PTPRT: variants seen among roughly 807,000 people sequenced by gnomAD.
PTPRT encodes the protein receptor-type tyrosine-protein phosphatase T.
Under a neutral mutation model 176.8 loss-of-function variants are expected in PTPRT, and 56 were observed. The observed-to-expected ratio is 0.32, with a 90% CI of 0.26 to 0.40. The LOEUF is 0.40. Among genes scored for constraint, PTPRT ranks in the 10% least tolerant of loss-of-function variants. PTPRT has a pLI of 1.00. For synonymous variants in PTPRT, 783 were observed against 739.0 expected, an observed-to-expected ratio of 1.06 and a Z score of -0.96; for missense variants, 1,540 against 1,908.2, an observed-to-expected ratio of 0.81 and a Z score of 3.60.
At chr20:42,373,123 C>T (rs976909883) in intron 9 of PTPRT, among the ~76,000 whole-genome samples, 1 of 152,212 alleles carries the variant, frequency 6.6e-6, no homozygotes, top group African/African-American at 2.4e-5. Flanking sequence ...CTAGGCTCTG[C>T]AGTATACATT....
intron 2 of PTPRT, among the ~76,000 whole-genome samples, chr20:42,823,403 G>C (rs191881769): frequency 6.6e-6 from 1 of 152,178 alleles, no homozygotes; most frequent in African/African-American, 2.4e-5. Flanking sequence ...GGCAGGGTGA[G>C]GGGAGGGAAC....
chr20:42,736,878 T>C (rs531937196), intron 6 of PTPRT, among the ~76,000 whole-genome samples: 3 of 152,352 alleles, frequency 2.0e-5, no homozygotes, highest in Admixed American at 6.5e-5. Flanking sequence ...ATCACACTCT[T>C]GTCTGCTGTG....
At chr20:42,491,723 G>A (rs1048413736) in intron 7 of PTPRT, among the ~76,000 whole-genome samples, 1 of 152,082 alleles carries the variant, frequency 6.6e-6, no homozygotes, top group East Asian at 1.9e-4. Context: ...CCAACTTCCA[G>A]ATCTATGAGA....
intron 12 of PTPRT, among the ~76,000 whole-genome samples, chr20:42,296,379 C>T (rs2057386611): frequency 2.0e-5 from 3 of 150,134 alleles, no homozygotes; most frequent in Non-Finnish European, 3.0e-5. Flanking sequence ...CTGGGAGGCA[C>T]GGTTTGCAGT....
chr20:42,249,869 G>A (rs1467689272), intron 13 of PTPRT, among the ~76,000 whole-genome samples: 3 of 152,208 alleles, frequency 2.0e-5, no homozygotes, highest in Non-Finnish European at 4.4e-5. Flanking sequence ...CTAGAGAGTA[G>A]TCCAGGGGTT....
chr20:42,856,518 C>T (rs16987494), intron 2 of PTPRT, among the ~76,000 whole-genome samples: 4,815 of 152,008 alleles, frequency 0.032, 198 homozygotes, highest in African/African-American at 0.096. Flanking sequence ...TTAAGCTCTA[C>T]GAAACAAGCA....
intron 6 of PTPRT, among the ~76,000 whole-genome samples, chr20:42,742,719 T>C (rs938472117): frequency 1.3e-5 from 2 of 152,196 alleles, no homozygotes; most frequent in Non-Finnish European, 2.9e-5. Flanking sequence ...GTCTTTGAAC[T>C]TTCTTGCTGG....
At chr20:42,311,787 T>TC (rs1285970208) in intron 12 of PTPRT, among the ~76,000 whole-genome samples, 37 of 152,166 alleles carry the variant, frequency 2.4e-4, no homozygotes, top group African/African-American at 8.7e-4. Flanking sequence ...TTTATTTTCT[T>TC]CATTTTTCTT....
intron 2 of PTPRT, among the ~76,000 whole-genome samples, chr20:42,841,037 C>A (rs2078268855): frequency 6.6e-6 from 1 of 152,152 alleles, no homozygotes; most frequent in African/African-American, 2.4e-5. Flanking sequence ...CTACTGACAG[C>A]CTGCTAAATT....
intron 1 of PTPRT, among the ~76,000 whole-genome samples, chr20:42,911,225 G>A (rs1978360660): frequency 6.6e-6 from 1 of 151,934 alleles, no homozygotes; most frequent in Non-Finnish European, 1.5e-5. Context: ...GTGTGTCTTA[G>A]TACACACACA....
intron 18 of PTPRT, among the ~76,000 whole-genome samples, chr20:42,140,748 T>C (rs1988585306): frequency 6.6e-6 from 1 of 152,136 alleles, no homozygotes. Flanking sequence ...TTATTCTATG[T>C]CCCCACAGGA....
chr20:42,091,233 T>C (rs947508668), intron 27 of PTPRT, among the ~76,000 whole-genome samples: 1 of 152,194 alleles, frequency 6.6e-6, no homozygotes, highest in African/African-American at 2.4e-5. Flanking sequence ...GTGCTCTCCA[T>C]GGCTGTTTGG....
Position 42,110,431 on chromosome 20 carries a change from G to A in PTPRT, c.3156C>T (p.Asp1052=), listed in dbSNP as rs778028209. 92 of 1,612,808 alleles carry A rather than the reference G, an allele frequency of 5.7e-5. No individual in the cohort carries two copies. The highest frequency in any genetic ancestry group is 1.5e-4 in the Admixed American group (9 of 59,992). Residue 1052 remains aspartate (D), a synonymous_variant, in exon 23 of 31, where the codon GAC becomes GAT. Transcript: ENST00000373187. ...LRLFHFTSWP[D]HGVPCYATGL... is the part of the protein sequence containing the mutation. ...CAGTGGCATAGCAGGGAACGCCGTG[G>A]TCAGGCCAGCTGGTGAAGTGGAAGA...
chr20:42,695,585 G>A, intron 6 of PTPRT, among the ~76,000 whole-genome samples: 1 of 152,126 alleles, frequency 6.6e-6, no homozygotes, highest in Non-Finnish European at 1.5e-5. Context: ...TCAAAACTGT[G>A]GAAAAGATGG....
At chr20:42,210,738 T>C (rs2055602310) in intron 15 of PTPRT, among the ~76,000 whole-genome samples, 2 of 152,168 alleles carry the variant, frequency 1.3e-5, no homozygotes, top group Non-Finnish European at 2.9e-5. Flanking sequence ...ATTTACAGAT[T>C]CAATGCCATC....
At chr20:42,329,842 T>C (rs953601422) in intron 11 of PTPRT, among the ~76,000 whole-genome samples, 4 of 152,168 alleles carry the variant, frequency 2.6e-5, no homozygotes, top group Admixed American at 6.5e-5. Flanking sequence ...TCATTTAAAA[T>C]AAAATGATAA....
intron 18 of PTPRT, among the ~76,000 whole-genome samples, chr20:42,134,808 C>T (rs1164468385): frequency 2.6e-5 from 4 of 152,180 alleles, no homozygotes; most frequent in Non-Finnish European, 5.9e-5. Flanking sequence ...TATGAGTCAG[C>T]TACAGAACAC....
intron 9 of PTPRT, among the ~76,000 whole-genome samples, chr20:42,376,249 GAT>G (rs762574283): frequency 2.6e-5 from 4 of 152,192 alleles, no homozygotes; most frequent in Admixed American, 6.5e-5. Context: ...TTCTACAGTT[GAT>G]TCAGTACAAA....
intron 1 of PTPRT, among the ~76,000 whole-genome samples, chr20:43,007,566 A>G (rs1371559540): frequency 6.6e-6 from 1 of 152,218 alleles, no homozygotes; most frequent in Non-Finnish European, 1.5e-5. Flanking sequence ...CAACGGAATT[A>G]TCCAATTTGA....
Sources: gnomAD v4.1 joint callset for allele counts (sites outside exome capture counted in the v4.1 genomes callset) on GRCh38, gnomAD v4.1.1 for gene constraint, MANE v1.5 for transcripts, NCBI Gene and HGNC (gene_info 2026-07-23, HGNC 2026-07-21) for gene names.